LRRC1: variants seen among roughly 807,000 people sequenced by gnomAD.
The protein encoded by LRRC1 is leucine rich repeat containing 1.
Under a neutral mutation model 69.9 loss-of-function variants are expected in LRRC1, and 28 were observed. That is an observed-to-expected ratio of 0.40 (90% CI 0.30 to 0.55). The LOEUF is 0.55. Ranked by LOEUF, LRRC1 falls within the 20% of genes least tolerant of loss-of-function variation. The pLI, the probability that LRRC1 is intolerant of heterozygous loss-of-function variation, is 0.47. For synonymous variants in LRRC1, 236 were observed against 240.2 expected (o/e 0.98, Z 0.16); for missense variants, 498 against 609.0 (o/e 0.82, Z 1.92).
chr6:53,812,540 A>G (rs1764822786), intron 1 of LRRC1, among the ~76,000 whole-genome samples: 1 of 151,886 alleles, frequency 6.6e-6, no homozygotes, highest in South Asian at 2.1e-4. Flanking sequence ...AATACAAAAA[A>G]TCAGCCGGGC....
chr6:53,892,821 C>T (rs958554312), intron 4 of LRRC1, among the ~76,000 whole-genome samples: 1 of 152,190 alleles, frequency 6.6e-6, no homozygotes, highest in East Asian at 1.9e-4. Flanking sequence ...AGGCAAGCTA[C>T]TGATGTGAAC....
At chr6:53,893,624 A>G (rs569300445) in intron 4 of LRRC1, among the ~76,000 whole-genome samples, 1 of 152,270 alleles carries the variant, frequency 6.6e-6, no homozygotes, top group African/African-American at 2.4e-5. Context: ...TATATTGCAG[A>G]TACTCCAAAA....
intron 3 of LRRC1, among the ~76,000 whole-genome samples, chr6:53,880,370 T>C (rs915913613): frequency 1.3e-5 from 2 of 152,168 alleles, no homozygotes; most frequent in African/African-American, 2.4e-5. Flanking sequence ...TTCAACTGTC[T>C]CTTCTCTTAA....
chr6:53,888,330 A>G (rs1056300455), intron 4 of LRRC1, among the ~76,000 whole-genome samples: 6 of 152,236 alleles, frequency 3.9e-5, no homozygotes, highest in Non-Finnish European at 8.8e-5. Flanking sequence ...ATATTTTTAT[A>G]TATCAGCATT....
At chr6:53,862,828 A>AT (rs916252992) in intron 2 of LRRC1, among the ~76,000 whole-genome samples, 1 of 152,080 alleles carries the variant, frequency 6.6e-6, no homozygotes, top group Non-Finnish European at 1.5e-5. Flanking sequence ...TCCATTTAAC[A>AT]TTTTTTTCCC....
chr6:53,805,205 G>C (rs2127403473), intron 1 of LRRC1, among the ~76,000 whole-genome samples: 1 of 152,288 alleles, frequency 6.6e-6, no homozygotes, highest in African/African-American at 2.4e-5. Context: ...TATGCTATGG[G>C]CCCTTGTCAG....
intron 1 of LRRC1, among the ~76,000 whole-genome samples, chr6:53,815,560 C>G (rs1438910870): frequency 6.6e-6 from 1 of 152,160 alleles, no homozygotes; most frequent in Non-Finnish European, 1.5e-5. Flanking sequence ...CAGGTCCAGT[C>G]CTCTCCTCTT....
rs578018808 is a variant in LRRC1 at position 53,840,927 on chromosome 6, T to TGTGTGTGC, written c.160-1182_160-1181insTGTGTGCG. On this transcript the variant is annotated intron_variant, in intron 1 of 13. Transcript: ENST00000370888. ...GTGTGTGTGTGTGTGTGTGTGTGTGTGCGTGCGCGCACATTCTCTTTCTTG... is the reference window on the plus strand; with the variant it reads ...GTGTGTGTGTGTGTGTGTGTGTGTGTGTGTGTGCGCGTGCGCGCACATTCTCTTTCTTG... Among the ~76,000 whole-genome samples the TGTGTGTGC allele has an allele frequency of 7.4e-3, 983 of 132,534 alleles. 4 individuals carry two copies. Among genetic ancestry groups the TGTGTGTGC allele is most frequent in the Admixed American group, 0.013 (155 of 11,664 alleles). 86.9% of individuals were successfully genotyped at this position (132,534 alleles called of 152,430 possible).
At chr6:53,860,077 A>G (rs1766446135) in intron 2 of LRRC1, among the ~76,000 whole-genome samples, 1 of 152,224 alleles carries the variant, frequency 6.6e-6, no homozygotes, top group Non-Finnish European at 1.5e-5. Context: ...AGGACATAGA[A>G]ATTGATCCAG....
intron 12 of LRRC1, among the ~76,000 whole-genome samples, 191 bp downstream of exon 12, chr6:53,919,861 CCTAT>C (rs1189461289): frequency 2.0e-5 from 3 of 152,148 alleles, no homozygotes; most frequent in Non-Finnish European, 2.9e-5. Flanking sequence ...AAGGGCCACT[CCTAT>C]CTATTTATCA....
At chr6:53,876,571 C>G (rs905322321) in intron 2 of LRRC1, among the ~76,000 whole-genome samples, 1 of 152,200 alleles carries the variant, frequency 6.6e-6, no homozygotes, top group African/African-American at 2.4e-5. Flanking sequence ...TTCCTAGATA[C>G]AATGGCAGTG....
intron 10 of LRRC1, among the ~76,000 whole-genome samples, chr6:53,910,822 C>T (rs949516114): frequency 2.0e-5 from 3 of 152,192 alleles, no homozygotes; most frequent in Non-Finnish European, 4.4e-5. Context: ...TCCATCATAC[C>T]GCATCTCCCT....
chr6:53,840,924 G>GTC (rs1354398423), intron 1 of LRRC1, among the ~76,000 whole-genome samples: 4 of 142,384 alleles, frequency 2.8e-5, no homozygotes. Flanking sequence ...GTGTGTGTGT[G>GTC]TGTGCGTGCG....
intron 3 of LRRC1, among the ~76,000 whole-genome samples, chr6:53,880,943 C>T (rs1767270917): frequency 6.6e-6 from 1 of 152,134 alleles, no homozygotes; most frequent in Non-Finnish European, 1.5e-5. Context: ...TTTAACCATT[C>T]AGTTGCGTAT....
intron 1 of LRRC1, among the ~76,000 whole-genome samples, chr6:53,819,333 G>C (rs1212867900): frequency 6.6e-6 from 1 of 152,124 alleles, no homozygotes; most frequent in African/African-American, 2.4e-5. Context: ...GCTTCTGGCA[G>C]GTAGAACTAG....
At chr6:53,871,989 GTGTTTTTGAGGTCT>G (rs1766901231) in intron 2 of LRRC1, among the ~76,000 whole-genome samples, 1 of 152,106 alleles carries the variant, frequency 6.6e-6, no homozygotes, top group Admixed American at 6.5e-5. Context: ...TTTGTTGCCT[GTGTTTTTGAGGTCT>G]TGTCCAAAGA....
chr6:53,827,776 T>C (rs1231625366), intron 1 of LRRC1, among the ~76,000 whole-genome samples: 8 of 152,188 alleles, frequency 5.3e-5, no homozygotes, highest in Admixed American at 5.2e-4. Flanking sequence ...CTTCCATGCC[T>C]TGTCTTTCAA....
intron 11 of LRRC1, among the ~76,000 whole-genome samples, chr6:53,914,726 C>G (rs1159591083): frequency 6.6e-6 from 1 of 152,138 alleles, no homozygotes; most frequent in African/African-American, 2.4e-5. Flanking sequence ...CTTTTGGGGA[C>G]CCTCTTCTCT....
chr6:53,867,028 A>G (rs542594202), intron 2 of LRRC1, among the ~76,000 whole-genome samples: 1 of 152,168 alleles, frequency 6.6e-6, no homozygotes, highest in East Asian at 1.9e-4. Context: ...CAGAGGCAAG[A>G]TGTCTTGGTG....
Sources: gnomAD v4.1 joint callset for allele counts (sites outside exome capture counted in the v4.1 genomes callset) on GRCh38, gnomAD v4.1.1 for gene constraint, MANE v1.5 for transcripts, NCBI Gene and HGNC (gene_info 2026-07-23, HGNC 2026-07-21) for gene names.